Variants in LRP1B observed in about 807,000 individuals in gnomAD.
The protein encoded by LRP1B is LDL receptor related protein 1B.
Under a neutral mutation model 556.6 loss-of-function variants are expected in LRP1B, and 217 were observed. The ratio of observed to expected loss-of-function variants is 0.39; its 90% CI spans 0.35 to 0.44. The LOEUF (loss-of-function observed/expected upper bound fraction) is 0.44. Among genes scored for constraint, LRP1B ranks in the 20% least tolerant of loss-of-function variants. The pLI, the probability that LRP1B is intolerant of heterozygous loss-of-function variation, is 1.00. For synonymous variants in LRP1B, 2,047 were observed against 1,865.8 expected, an observed-to-expected ratio of 1.10 and a Z score of -2.50; for missense variants, 5,053 against 5,620.8, an observed-to-expected ratio of 0.90 and a Z score of 3.23.
chr2:141,178,568 A>G (rs998517145), intron 7 of LRP1B, among the ~76,000 whole-genome samples: 1 of 152,096 alleles, frequency 6.6e-6, no homozygotes, highest in Non-Finnish European at 1.5e-5. Context: ...AGCATATCCT[A>G]TGTATGAGGG....
intron 20 of LRP1B, among the ~76,000 whole-genome samples, chr2:140,940,454 C>T (rs1469683567): frequency 2.0e-5 from 3 of 151,922 alleles, no homozygotes; most frequent in Non-Finnish European, 4.4e-5. Flanking sequence ...ACTATTCTGG[C>T]CAGAGAGTTA....
chr2:140,757,653 G>A (rs561570167), intron 35 of LRP1B, among the ~76,000 whole-genome samples: 16 of 152,306 alleles, frequency 1.1e-4, no homozygotes, highest in African/African-American at 3.4e-4. Flanking sequence ...GGCTGAGGCC[G>A]GCGGATCATT....
rs879557094 is a variant in LRP1B, at chr2:140,595,008, T to C, written c.7194+3623A>G. 3.3e-5 allele frequency among the ~76,000 whole-genome samples: 5 copies of C among 150,258 alleles called. No homozygotes were observed. The Admixed American group carries it at 3.3e-4, about 10-fold the overall frequency. ...CCTGTCACACATTTCTTCAGTGCCT[T>C]TTACAGTGTACTCCAAAATATAAAA... On this transcript the variant is annotated intron_variant, in intron 43 of 90. Transcript: ENST00000389484.
intron 14 of LRP1B, among the ~76,000 whole-genome samples, chr2:141,008,544 C>CA (rs897300215): frequency 1.3e-5 from 2 of 151,500 alleles, no homozygotes; most frequent in Middle Eastern, 3.4e-3. Flanking sequence ...CCAAAACCAA[C>CA]AAAAGTCTAT....
chr2:140,540,795 T>C (rs530045474), intron 45 of LRP1B, among the ~76,000 whole-genome samples, 178 bp downstream of exon 45: 2 of 152,126 alleles, frequency 1.3e-5, no homozygotes, highest in Admixed American at 6.6e-5. Flanking sequence ...AACTAGCACA[T>C]GGTCCTATAA....
rs889671553 is a variant in LRP1B at position 141,356,872 on chromosome 2, T to C, written c.344-102231A>G. Among the ~76,000 whole-genome samples, 6 of 152,122 alleles carry C rather than the reference T, an allele frequency of 3.9e-5. No individual in the cohort carries two copies. The East Asian group carries it at 1.2e-3, about 29-fold the overall frequency. ...GTTCTAAATACCACTCAAAGCTTTT[T>C]TCTTATTATCGCAACCTATCACCAA... On this transcript the variant is annotated intron_variant, in intron 3 of 90. Coordinates refer to ENST00000389484, the MANE Select transcript of LRP1B (RefSeq NM_018557.3).
At chr2:140,818,185 G>C (rs1691195425) in intron 31 of LRP1B, among the ~76,000 whole-genome samples, 1 of 152,122 alleles carries the variant, frequency 6.6e-6, no homozygotes, top group African/African-American at 2.4e-5. Context: ...TAGAGATGTA[G>C]ATATGGGAAA....
At chr2:140,325,724 G>T in intron 80 of LRP1B, 38 bp downstream of exon 80, 1 of 1,354,240 alleles carries the variant, frequency 7.4e-7, no homozygotes, top group Non-Finnish European at 1.0e-6. Context: ...AACACTCTCA[G>T]TAACAATTAA....
chr2:140,552,339 T>C (rs12613756), intron 43 of LRP1B, among the ~76,000 whole-genome samples: 66,689 of 151,946 alleles, frequency 0.44, 15,396 homozygotes, highest in East Asian at 0.58. Flanking sequence ...TTCAATGTTA[T>C]CACCAGAAGC....
intron 1 of LRP1B, among the ~76,000 whole-genome samples, chr2:142,017,151 T>G (rs1402712420): frequency 6.6e-6 from 1 of 151,490 alleles, no homozygotes; most frequent in Non-Finnish European, 1.5e-5. Flanking sequence ...TAAGAAGGAG[T>G]AATATAAAGA....
intron 14 of LRP1B, among the ~76,000 whole-genome samples, chr2:141,010,670 A>G (rs1266299014): frequency 6.6e-6 from 1 of 151,472 alleles, no homozygotes; most frequent in Non-Finnish European, 1.5e-5. Context: ...TCCTGCCACC[A>G]CCCCTGGCTA....
chr2:141,593,225 T>C (rs138468785), intron 2 of LRP1B, among the ~76,000 whole-genome samples: 205 of 152,238 alleles, frequency 1.3e-3, no homozygotes, highest in African/African-American at 4.6e-3. Flanking sequence ...AAACAAAGCA[T>C]AGAAAAAACC....
Position 141,615,197 on chromosome 2 carries a change from G to A in LRP1B, c.206-134664C>T, listed in dbSNP as rs979023604. On this transcript the variant is annotated intron_variant, in intron 2 of 90. Transcript: ENST00000389484. ...GGTAAATCGGTTAGTGATAAACTTA[G>A]ATATTTAGTTGAGGATATTTCTAAG... Among the ~76,000 whole-genome samples the A allele has an allele frequency of 2.6e-5, 4 of 152,138 alleles. No homozygotes were observed. The East Asian group carries it at 7.7e-4, about 29-fold the overall frequency.
chr2:140,275,565 GAAC>G (rs1240935548), intron 84 of LRP1B, among the ~76,000 whole-genome samples: 1 of 151,940 alleles, frequency 6.6e-6, no homozygotes, highest in African/African-American at 2.4e-5. Context: ...ACACGTAGCA[GAAC>G]AAACCCAGGT....
chr2:141,334,109 T>G (rs1687759206), intron 3 of LRP1B, among the ~76,000 whole-genome samples: 1 of 152,226 alleles, frequency 6.6e-6, no homozygotes, highest in South Asian at 2.1e-4. Flanking sequence ...CTGTAGCTTC[T>G]CTTTTGACAT....
chr2:141,993,859 G>C lies in LRP1B; in HGVS notation c.82+136789C>G, dbSNP rs534118770. On this transcript the variant is annotated intron_variant, in intron 1 of 90. Coordinates refer to ENST00000389484, the MANE Select transcript of LRP1B (RefSeq NM_018557.3). ...TTGCCTTTCATAATTTTGAGATACA[G>C]AACGAAGCTTGACCAAATGCTCTTG... Among the ~76,000 whole-genome samples, 24 of 152,202 alleles carry C rather than the reference G, an allele frequency of 1.6e-4. No homozygotes were observed. The East Asian group carries it at 4.3e-3, about 27-fold the overall frequency.
intron 7 of LRP1B, among the ~76,000 whole-genome samples, chr2:141,129,290 T>C (rs936848725): frequency 5.3e-5 from 8 of 152,240 alleles, no homozygotes; most frequent in Admixed American, 1.3e-4. Flanking sequence ...CAAATTAATA[T>C]ACGTATTTAA....
At chr2:140,904,185 A>C (rs1694183203) in intron 22 of LRP1B, among the ~76,000 whole-genome samples, 1 of 152,106 alleles carries the variant, frequency 6.6e-6, no homozygotes, top group Admixed American at 6.6e-5. Context: ...ACATTGTCCT[A>C]AAATTTACTC....
chr2:142,007,348 G>A (rs2105147858), intron 1 of LRP1B, among the ~76,000 whole-genome samples: 1 of 152,178 alleles, frequency 6.6e-6, no homozygotes, highest in Middle Eastern at 3.4e-3. Flanking sequence ...TGTGCCTTTA[G>A]CTAAAATTTA....
Sources: gnomAD v4.1 joint callset for allele counts (sites outside exome capture counted in the v4.1 genomes callset) on GRCh38, gnomAD v4.1.1 for gene constraint, MANE v1.5 for transcripts, NCBI Gene and HGNC (gene_info 2026-07-23, HGNC 2026-07-21) for gene names.